Variants in SOBP observed in about 807,000 individuals in gnomAD.
SOBP encodes the protein sine oculis-binding protein homolog.
SOBP carries 4 observed loss-of-function variants against 53.6 expected under a neutral mutation model. That is an observed-to-expected ratio of 0.07 (90% CI 0.04 to 0.17). The LOEUF (loss-of-function observed/expected upper bound fraction) is 0.17. SOBP is among the 10% of genes least tolerant of loss of function. The pLI is 1.00. For synonymous variants in SOBP, 584 were observed against 522.6 expected (o/e 1.12, Z -1.60); for missense variants, 1,088 against 1,204.7 (o/e 0.90, Z 1.43).
intron 4 of SOBP, 40 bp downstream of exon 4, chr6:107,533,650 C>T (rs768901104): frequency 1.1e-5 from 17 of 1,613,102 alleles, no homozygotes; most frequent in Non-Finnish European, 1.4e-5. Flanking sequence ...CCACAGGCCT[C>T]ACCAGCCCAC....
At chr6:107,558,645 G>A (rs1300581317) in intron 4 of SOBP, among the ~76,000 whole-genome samples, 1 of 151,728 alleles carries the variant, frequency 6.6e-6, no homozygotes, top group Non-Finnish European at 1.5e-5. Flanking sequence ...TCTAGAATGA[G>A]GCAGGGAGGG....
rs1016341146 is a variant in SOBP, at chr6:107,535,447, A to G, written c.573+1837A>G. ...ACTTTCTACCAGGCGTTATTGGGAT[A>G]TGTCTTTGAACATCTTGCTAAACCT... On this transcript the variant is annotated intron_variant, in intron 4 of 6. Transcript: ENST00000317357. Among the ~76,000 whole-genome samples the G allele has an allele frequency of 2.0e-5, 3 of 152,182 alleles. No homozygotes were observed. The South Asian group carries it at 6.2e-4, about 31-fold the overall frequency.
intron 4 of SOBP, among the ~76,000 whole-genome samples, chr6:107,568,036 T>C (rs955653148): frequency 6.6e-6 from 1 of 152,222 alleles, no homozygotes; most frequent in Non-Finnish European, 1.5e-5. Context: ...TATCCAAGTA[T>C]GTAATATGTC....
At chr6:107,578,073 CAAAAAAAAAAAAAA>C (rs11362582) in intron 4 of SOBP, among the ~76,000 whole-genome samples, 1 of 87,454 alleles carries the variant, frequency 1.1e-5, no homozygotes, top group Non-Finnish European at 2.3e-5. Flanking sequence ...GACTCTGTCT[CAAAAAAAAAAAAAA>C]AAAAAAAAGA....
At chr6:107,496,497 C>G (rs1782701958) in intron 1 of SOBP, among the ~76,000 whole-genome samples, 1 of 152,164 alleles carries the variant, frequency 6.6e-6, no homozygotes, top group African/African-American at 2.4e-5. Flanking sequence ...TAGGATATAT[C>G]AATAAGAGAG....
At position 107,634,863 on chromosome 6, in the gene SOBP, C is replaced by G. The variant is rs1770937443; in HGVS notation, c.2019C>G (p.His673Gln). 1 of 1,385,870 alleles carries G rather than the reference C, an allele frequency of 7.2e-7. No individual in the cohort carries two copies. The highest frequency in any genetic ancestry group is 1.5e-5 in the African/African-American group (1 of 66,216). 85.8% of individuals were successfully genotyped at this position (1,385,870 alleles called of 1,614,324 possible). Residue 673 changes from histidine to glutamine, a missense_variant, in exon 6 of 7, where the codon CAC becomes CAG. Physicochemically the swap from His to Gln is conservative, Grantham distance 24. Transcript: ENST00000317357. The surrounding 1 kb of genome is among the most constrained non-coding windows in gnomAD (Gnocchi z 4.5). ...RLHNVIHRAL[H>Q]AHVKAEREPS... ...ACAACGTGATCCACCGCGCGCTGCA[C>G]GCGCACGTCAAGGCGGAGCGCGAGC... is the stretch of plus-strand genomic sequence containing the variant.
intron 5 of SOBP, among the ~76,000 whole-genome samples, chr6:107,592,182 A>G (rs992873041): frequency 2.0e-5 from 3 of 152,094 alleles, no homozygotes; most frequent in African/African-American, 4.8e-5. Context: ...AAAAGCCCTT[A>G]AAGTGAAAGA....
chr6:107,613,372 A>G (rs568273986), intron 5 of SOBP, among the ~76,000 whole-genome samples: 7 of 152,372 alleles, frequency 4.6e-5, no homozygotes, highest in African/African-American at 1.7e-4. Context: ...TGATGTTTCA[A>G]AATATTTCAA....
At chr6:107,602,775 A>C (rs1308171200) in intron 5 of SOBP, among the ~76,000 whole-genome samples, 1 of 152,204 alleles carries the variant, frequency 6.6e-6, no homozygotes, top group African/African-American at 2.4e-5. Flanking sequence ...AGTCAGAGAC[A>C]TTCTAAATGC....
chr6:107,576,464 G>A (rs897480631), intron 4 of SOBP, among the ~76,000 whole-genome samples: 32 of 152,316 alleles, frequency 2.1e-4, no homozygotes, highest in African/African-American at 5.8e-4. Flanking sequence ...TCCCAGGCCA[G>A]AGCAGTGACC....
chr6:107,637,755 T>C (rs1562120504), intron 6 of SOBP, among the ~76,000 whole-genome samples: 1 of 152,338 alleles, frequency 6.6e-6, no homozygotes, highest in Non-Finnish European at 1.5e-5. Flanking sequence ...AGGTCAAGAA[T>C]AGTGACACTA....
At chr6:107,588,933 A>AT (rs1222006036) in intron 5 of SOBP, among the ~76,000 whole-genome samples, 1 of 152,232 alleles carries the variant, frequency 6.6e-6, no homozygotes, top group Non-Finnish European at 1.5e-5. Context: ...AAGAAAACAT[A>AT]AGTAAGCTTA....
intron 4 of SOBP, among the ~76,000 whole-genome samples, chr6:107,577,982 G>T (rs1282608942): frequency 6.6e-6 from 1 of 151,754 alleles, no homozygotes; most frequent in Non-Finnish European, 1.5e-5. Context: ...GCTGAGGCAG[G>T]AGAATGGCGT....
At chr6:107,577,277 G>A (rs543618641) in intron 4 of SOBP, among the ~76,000 whole-genome samples, 1 of 152,352 alleles carries the variant, frequency 6.6e-6, no homozygotes, top group East Asian at 1.9e-4. Context: ...GAGCTAATTA[G>A]CCATCGACCT....
intron 5 of SOBP, among the ~76,000 whole-genome samples, chr6:107,602,586 A>AG (rs1562093859): frequency 6.6e-6 from 1 of 151,136 alleles, no homozygotes; most frequent in Non-Finnish European, 1.5e-5. Flanking sequence ...AAAAAAAAAA[A>AG]AGGAAAGGGA....
At chr6:107,562,297 G>A (rs1358243049) in intron 4 of SOBP, among the ~76,000 whole-genome samples, 3 of 151,986 alleles carry the variant, frequency 2.0e-5, no homozygotes, top group Admixed American at 6.6e-5. Flanking sequence ...GGGATTACAG[G>A]TGTGAGCCAC....
chr6:107,657,047 G>A (rs1202477213), intron 6 of SOBP, among the ~76,000 whole-genome samples: 2 of 152,250 alleles, frequency 1.3e-5, no homozygotes, highest in Non-Finnish European at 2.9e-5. Context: ...TGTGATCAAA[G>A]TGTGTCGAGC....
chr6:107,522,672 A>G (rs1371990655), intron 3 of SOBP, among the ~76,000 whole-genome samples: 2 of 148,704 alleles, frequency 1.3e-5, no homozygotes, highest in African/African-American at 5.0e-5. Context: ...CCTCCTCAGT[A>G]TCTGGGACTA....
At chr6:107,649,906 T>C (rs1771732192) in intron 6 of SOBP, among the ~76,000 whole-genome samples, 2 of 152,146 alleles carry the variant, frequency 1.3e-5, no homozygotes, top group South Asian at 4.1e-4. Context: ...CAGAAACTTT[T>C]AGAGGTCAGC....
Sources: gnomAD v4.1 joint callset for allele counts (sites outside exome capture counted in the v4.1 genomes callset) on GRCh38, gnomAD v4.1.1 for gene constraint, Gnocchi (gnomAD v3.1) non-coding constraint, MANE v1.5 for transcripts, NCBI Gene and HGNC (gene_info 2026-07-23, HGNC 2026-07-21) for gene names.